The following GPRIN3 variants were observed in gnomAD, a reference collection of about 807,000 sequenced individuals.
GPRIN3 encodes G protein-regulated inducer of neurite outgrowth 3.
GPRIN3 carries 12 observed loss-of-function variants against 13.7 expected under a neutral mutation model. The observed-to-expected ratio is 0.87, with a 90% confidence interval of 0.56 to 1.42. The LOEUF (loss-of-function observed/expected upper bound fraction) is 1.42, where lower values mean the gene tolerates loss of function less well. Ranked by LOEUF, GPRIN3 falls within the 40% of genes most tolerant of loss-of-function variation. GPRIN3 has a pLI of 0.00. For missense variants in GPRIN3, 1,009 were observed against 958.7 expected, an observed-to-expected ratio of 1.05 and a Z score of -0.69; for synonymous variants, 377 against 372.7, an observed-to-expected ratio of 1.01 and a Z score of -0.13.
intron 1 of GPRIN3, among the ~76,000 whole-genome samples, chr4:89,303,601 C>T (rs1724957280): frequency 6.9e-6 from 1 of 144,270 alleles, no homozygotes; most frequent in African/African-American, 2.5e-5. Flanking sequence ...GAGAATAAAA[C>T]AGTGATTACC....
In GPRIN3 at chr4:89,242,501, G is replaced by A. The variant is rs994889452; in HGVS notation, c.*5279C>T. 5 of 152,036 alleles carry A rather than the reference G, an allele frequency of 3.3e-5. No homozygotes were observed. Among genetic ancestry groups the A allele is most frequent in the Admixed American group, 3.3e-4 (5 of 15,264 alleles). 9.4% of individuals were successfully genotyped at this position (152,036 alleles called of 1,614,324 possible). On this transcript the variant is annotated 3_prime_UTR_variant, in exon 2 of 2. Transcript: ENST00000609438. ...CTTTGAGTGGCTCCTCTTCCCTCTG[G>A]GCTCACATAAAAACATAGATGCCAA...
intron 1 of GPRIN3, among the ~76,000 whole-genome samples, chr4:89,286,816 G>T (rs997733629): frequency 6.6e-6 from 1 of 152,082 alleles, no homozygotes; most frequent in Non-Finnish European, 1.5e-5. Context: ...TACTTAGAAA[G>T]CAAATTATTT....
chr4:89,286,937 G>C (rs1025971163), intron 1 of GPRIN3, among the ~76,000 whole-genome samples: 1 of 152,182 alleles, frequency 6.6e-6, no homozygotes, highest in African/African-American at 2.4e-5. Flanking sequence ...GCTATAGTGA[G>C]CTATGATCAT....
intron 1 of GPRIN3, among the ~76,000 whole-genome samples, chr4:89,281,358 G>A (rs1724244968): frequency 6.6e-6 from 1 of 152,060 alleles, no homozygotes; most frequent in Admixed American, 6.6e-5. Context: ...TCGTGACCTC[G>A]TGATCTGCCC....
At chr4:89,303,666 G>C (rs931903165) in intron 1 of GPRIN3, among the ~76,000 whole-genome samples, 1 of 151,676 alleles carries the variant, frequency 6.6e-6, no homozygotes, top group Admixed American at 6.6e-5. Context: ...AGGATACAAA[G>C]TAGTAGATAT....
intron 1 of GPRIN3, among the ~76,000 whole-genome samples, chr4:89,304,274 G>A (rs948861047): frequency 2.0e-5 from 3 of 152,076 alleles, no homozygotes; most frequent in Admixed American, 6.6e-5. Context: ...TCTCTTGGTC[G>A]GCTCTTGGCA....
chr4:89,296,867 T>G (rs959178700), intron 1 of GPRIN3, among the ~76,000 whole-genome samples: 1 of 151,990 alleles, frequency 6.6e-6, no homozygotes, highest in Admixed American at 6.6e-5. Flanking sequence ...ACTCACCCTG[T>G]GTTTTTTTAA....
chr4:89,302,041 G>A (rs1440252233), intron 1 of GPRIN3, among the ~76,000 whole-genome samples: 1 of 152,190 alleles, frequency 6.6e-6, no homozygotes, highest in Non-Finnish European at 1.5e-5. Flanking sequence ...GGAATCTGGT[G>A]TGTAAGGCCA....
chr4:89,291,548 GTGCC>G (rs1272955873), intron 1 of GPRIN3, among the ~76,000 whole-genome samples: 1 of 152,204 alleles, frequency 6.6e-6, no homozygotes, highest in African/African-American at 2.4e-5. Flanking sequence ...CTGCATGAAT[GTGCC>G]ACTGTTTGTT....
intron 1 of GPRIN3, among the ~76,000 whole-genome samples, chr4:89,258,341 C>G (rs551387806): frequency 6.6e-6 from 1 of 151,828 alleles, no homozygotes; most frequent in East Asian, 2.0e-4. Flanking sequence ...CTCAGTCTCC[C>G]GAGTAGCTAG....
At chr4:89,305,022 T>C (rs1269154767) in intron 1 of GPRIN3, among the ~76,000 whole-genome samples, 2 of 152,228 alleles carry the variant, frequency 1.3e-5, no homozygotes, top group Non-Finnish European at 2.9e-5. Context: ...CTGAATACCA[T>C]AGATCCTCAA....
At chr4:89,298,510 A>T (rs1332653096) in intron 1 of GPRIN3, among the ~76,000 whole-genome samples, 1 of 152,084 alleles carries the variant, frequency 6.6e-6, no homozygotes, top group Admixed American at 6.5e-5. Context: ...GAATTCTCTG[A>T]GATCATGACC....
At chr4:89,274,022 G>A (rs1396448915) in intron 1 of GPRIN3, among the ~76,000 whole-genome samples, 3 of 152,228 alleles carry the variant, frequency 2.0e-5, no homozygotes, top group African/African-American at 4.8e-5. Flanking sequence ...AAAGGCAGAT[G>A]TCTAAACAAA....
chr4:89,282,576 A>G (rs1354272564), intron 1 of GPRIN3, among the ~76,000 whole-genome samples: 1 of 149,718 alleles, frequency 6.7e-6, no homozygotes, highest in Non-Finnish European at 1.5e-5. Context: ...TTCTTAAAAC[A>G]TATGTGATTT....
chr4:89,259,368 T>A (rs919915866), intron 1 of GPRIN3, among the ~76,000 whole-genome samples: 3 of 152,246 alleles, frequency 2.0e-5, no homozygotes, highest in Non-Finnish European at 4.4e-5. Context: ...AATCTGAATA[T>A]TTTCTTCTTT....
intron 1 of GPRIN3, among the ~76,000 whole-genome samples, chr4:89,287,865 C>T (rs891097502): frequency 6.6e-6 from 1 of 152,246 alleles, no homozygotes; most frequent in Admixed American, 6.5e-5. Context: ...TTAAGAAAGA[C>T]TGATAGGCTG....
At chr4:89,287,502 T>A (rs1202491181) in intron 1 of GPRIN3, among the ~76,000 whole-genome samples, 1 of 152,136 alleles carries the variant, frequency 6.6e-6, no homozygotes, top group African/African-American at 2.4e-5. Flanking sequence ...GGGAAGAGGC[T>A]AAGGAAAGAT....
At chr4:89,306,036 T>G (rs1303549131) in intron 1 of GPRIN3, among the ~76,000 whole-genome samples, 1 of 151,814 alleles carries the variant, frequency 6.6e-6, no homozygotes, top group Non-Finnish European at 1.5e-5. Context: ...ATATAACATC[T>G]AGGCCTGCAA....
chr4:89,244,914 A>G lies in GPRIN3; in HGVS notation c.*2866T>C, dbSNP rs182586221. ...CATATCTAAGAGAAATGAAGGGTAA[A>G]ACCAAACAACTTTCAACCCAATGTG... On this transcript the variant is annotated 3_prime_UTR_variant, in exon 2 of 2. Coordinates refer to ENST00000609438, the MANE Select transcript of GPRIN3 (RefSeq NM_198281.3). 6.6e-6 allele frequency: 1 copy of G among 152,342 alleles called. No individual in the cohort carries two copies. The highest frequency in any genetic ancestry group is 1.5e-5 in the Non-Finnish European group (1 of 68,030). The allele number at this position is 152,342 out of a possible 1,614,324, so 9.4% of individuals were successfully genotyped here. A position where few individuals can be genotyped will look rare whatever the true frequency, so the allele number is the denominator to read the frequency against.
Sources: gnomAD v4.1 joint callset for allele counts (sites outside exome capture counted in the v4.1 genomes callset) on GRCh38, gnomAD v4.1.1 for gene constraint, MANE v1.5 for transcripts, NCBI Gene and HGNC (gene_info 2026-07-23, HGNC 2026-07-21) for gene names.